COL4A1: variants seen among roughly 807,000 people sequenced by gnomAD.
COL4A1 encodes collagen type IV alpha 1 chain, also known as collagen alpha-1(IV) chain.
In COL4A1, 40 loss-of-function variants were observed where a neutral mutation model predicts 216.6. The ratio of observed to expected loss-of-function variants is 0.18; its 90% CI spans 0.14 to 0.24. COL4A1 has a LOEUF of 0.24. Ranked by LOEUF, COL4A1 falls within the 10% of genes least tolerant of loss-of-function variation. The pLI is 1.00. For synonymous variants in COL4A1, 839 were observed against 810.7 expected (o/e 1.03, Z -0.59); for missense variants, 1,628 against 2,196.8 (o/e 0.74, Z 5.18).
At chr13:110,228,456 C>A (rs1337367282) in intron 2 of COL4A1, among the ~76,000 whole-genome samples, 1 of 152,222 alleles carries the variant, frequency 6.6e-6, no homozygotes, top group East Asian at 1.9e-4. Context: ...GGCTCCTGCG[C>A]CCCCTCCAAG....
chr13:110,213,750 A>C lies in COL4A1; in HGVS notation c.279+32T>G, dbSNP rs778448253. 8 of 1,611,376 alleles carry C rather than the reference A, an allele frequency of 5.0e-6. No homozygotes were observed. The African/African-American group carries it at 8.0e-5, about 16-fold the overall frequency. On this transcript the variant is annotated intron_variant, in intron 4 of 51. Transcript: ENST00000375820. ...GGAAGCGGGCCTGTCCCACGCATGGAATCATCGATTGTGAGTAGCAACTGT... is the reference window on the plus strand; with the variant it reads ...GGAAGCGGGCCTGTCCCACGCATGGCATCATCGATTGTGAGTAGCAACTGT...
In COL4A1 at chr13:110,205,488, A is replaced by G; in HGVS notation, c.903+6T>C. Reference sequence around the variant, plus strand: ...CTGCTTGTAAAAACCACAGAGAAACACTTACGGGACTCCCTTTTTCCCCTT... The same window carrying G: ...CTGCTTGTAAAAACCACAGAGAAACGCTTACGGGACTCCCTTTTTCCCCTT... On this transcript the variant is annotated splice_donor_region_variant and intron_variant, in intron 16 of 51. Transcript: ENST00000375820. 1.2e-6 allele frequency: 2 copies of G among 1,606,824 alleles called. No homozygotes were observed. The highest frequency in any genetic ancestry group is 1.7e-6 in the Non-Finnish European group (2 of 1,179,920).
At chr13:110,284,969 T>G (rs1002255702) in intron 1 of COL4A1, among the ~76,000 whole-genome samples, 1 of 152,258 alleles carries the variant, frequency 6.6e-6, no homozygotes, top group Non-Finnish European at 1.5e-5. Flanking sequence ...CTAAAGGCTA[T>G]GTCAGAATAA....
At position 110,257,465 on chromosome 13, in the gene COL4A1, T is replaced by G. The variant is rs146233670; in HGVS notation, c.85-14731A>C. 1.3e-3 allele frequency among the ~76,000 whole-genome samples: 196 copies of G among 152,360 alleles called. 5 individuals are homozygous for G. The East Asian group carries it at 0.033, about 26-fold the overall frequency. On this transcript the variant is annotated intron_variant, in intron 1 of 51. Coordinates refer to ENST00000375820, the MANE Select transcript of COL4A1 (RefSeq NM_001845.6). ...CCGTAAGTGCTACTTCCAAAGGACC[T>G]ACCTAAAAGCACAAGTACATTTGTG...
Position 110,179,408 on chromosome 13 carries a change from A to C in COL4A1, c.2207T>G (p.Val736Gly), listed in dbSNP as rs771732189. The C allele has an allele frequency of 6.2e-7, 1 of 1,614,018 alleles. No individual in the cohort carries two copies. The highest frequency in any genetic ancestry group is 8.5e-7 in the Non-Finnish European group (1 of 1,180,028). ...GVQGQKGEPGVGLPGLKGLPG... is the reference protein window; with the variant it reads ...GVQGQKGEPGGGLPGLKGLPG... Reference sequence around the variant, plus strand: ...CAAACCTTTGAGTCCCGGTAGACCAACTCCAGGCTCTCCCTGAAAATCCCC... The same window carrying C: ...CAAACCTTTGAGTCCCGGTAGACCACCTCCAGGCTCTCCCTGAAAATCCCC... Residue 736 changes from valine to glycine, a missense_variant, in exon 30 of 52, where the codon GTT (valine) becomes GGT (glycine). Physicochemically the swap from Val to Gly is moderately radical, Grantham distance 109. Coordinates refer to ENST00000375820, the MANE Select transcript of COL4A1 (RefSeq NM_001845.6).
chr13:110,152,265 T>A lies in COL4A1; in HGVS notation c.4928+69A>T, dbSNP rs1015587596. On this transcript the variant is annotated intron_variant, in intron 51 of 51. Coordinates refer to ENST00000375820, the MANE Select transcript of COL4A1 (RefSeq NM_001845.6). ...ACTTTGCATTGGAAGGTGTTACGGA[T>A]CGCGGATGATTAAAAAATAAAGTCA... The A allele has an allele frequency of 1.1e-4, 174 of 1,595,198 alleles. 4 individuals are homozygous for A. In the South Asian group the frequency reaches 1.5e-3, roughly 14 times the overall value.
intron 1 of COL4A1, among the ~76,000 whole-genome samples, chr13:110,295,794 T>C (rs928677586): frequency 6.6e-6 from 1 of 152,238 alleles, no homozygotes; most frequent in Non-Finnish European, 1.5e-5. Context: ...AATATTTACA[T>C]GGCTGGAAGC....
chr13:110,184,485 A>AG (rs1433731143), intron 26 of COL4A1, among the ~76,000 whole-genome samples: 51 of 152,310 alleles, frequency 3.3e-4, no homozygotes, highest in African/African-American at 1.2e-3. Flanking sequence ...CCTCTAATGG[A>AG]GTCATAAAAG....
intron 20 of COL4A1, among the ~76,000 whole-genome samples, 168 bp downstream of exon 20, chr13:110,200,686 T>C (rs1879149283): frequency 6.6e-6 from 1 of 152,168 alleles, no homozygotes; most frequent in African/African-American, 2.4e-5. Context: ...GACAAGATAC[T>C]TATCTACAAG....
chr13:110,270,829 C>T (rs1883220359), intron 1 of COL4A1, among the ~76,000 whole-genome samples: 2 of 152,250 alleles, frequency 1.3e-5, no homozygotes, highest in African/African-American at 4.8e-5. Context: ...AATGGGCATG[C>T]CTAGCCCCCC....
At chr13:110,240,485 C>T (rs561308061) in intron 2 of COL4A1, among the ~76,000 whole-genome samples, 1 of 152,262 alleles carries the variant, frequency 6.6e-6, no homozygotes, top group Non-Finnish European at 1.5e-5. Flanking sequence ...ACAACTTCCA[C>T]GTGGCCCCAC....
At position 110,183,233 on chromosome 13, in the gene COL4A1, G is replaced by T. The variant is rs1878256772; in HGVS notation, c.1941C>A (p.Pro647=). ...ACCCCGGCAGTCCTTCTGCTCCAGG[G>T]GGGCCTGGTAAAGGAACAATTTTTC... is the stretch of plus-strand genomic sequence containing the variant. ...EPGKIVPLPG[P]PGAEGLPGSP... The change falls in exon 27 of 52, where the codon CCC becomes CCA. Residue 647 remains proline (P), a synonymous_variant. Coordinates refer to ENST00000375820, the MANE Select transcript of COL4A1 (RefSeq NM_001845.6). 1 of 1,613,852 alleles carries T rather than the reference G, an allele frequency of 6.2e-7. No individual in the cohort carries two copies. The highest frequency in any genetic ancestry group is 8.5e-7 in the Non-Finnish European group (1 of 1,180,014).
chr13:110,186,590 GAC>G (rs753107962), intron 25 of COL4A1, 37 bp from the exon 26 acceptor site: 20 of 1,611,810 alleles, frequency 1.2e-5, no homozygotes, highest in Admixed American at 1.7e-5. Flanking sequence ...CGTTATCAGA[GAC>G]ACACCAACAC....
intron 1 of COL4A1, among the ~76,000 whole-genome samples, chr13:110,279,952 C>T (rs936479073): frequency 6.6e-6 from 1 of 152,196 alleles, no homozygotes. Flanking sequence ...GTTGCACCTG[C>T]TTTAGGTCCT....
chr13:110,225,306 G>A (rs1001759510), intron 2 of COL4A1, among the ~76,000 whole-genome samples: 4 of 152,112 alleles, frequency 2.6e-5, no homozygotes, highest in African/African-American at 4.8e-5. Context: ...CGACTGGGCC[G>A]GGTGCAGTGG....
In COL4A1 at chr13:110,187,126, A is replaced by T; in HGVS notation, c.1728+12T>A. 6.2e-7 allele frequency: 1 copy of T among 1,613,938 alleles called. No homozygotes were observed. The highest frequency in any genetic ancestry group is 8.5e-7 in the Non-Finnish European group (1 of 1,179,858). The stretch of plus-strand genomic sequence containing the variant: ...TGTAAAATGCACATTCAAAGTCTGG[A>T]GATAAACATACCGGCGAGCCCTTGG... On this transcript the variant is annotated intron_variant, in intron 25 of 51. Transcript: ENST00000375820.
Position 110,211,805 on chromosome 13 carries a change from G to A in COL4A1, c.441+64C>T. 4 of 1,563,668 alleles carry A rather than the reference G, an allele frequency of 2.6e-6. No homozygotes were observed. The highest frequency in any genetic ancestry group is 1.4e-5 in the African/African-American group (1 of 73,778). On this transcript the variant is annotated intron_variant, in intron 7 of 51. Coordinates refer to ENST00000375820, the MANE Select transcript of COL4A1 (RefSeq NM_001845.6). This position sits in a 1 kb window ranked among gnomAD's most constrained non-coding sequence, Gnocchi z 4.3. Reference sequence around the variant, plus strand: ...AGCAAAGAAAGAAAGAAAAGGAAATGGAATGAAAAGAGAGAAGTCATAACT... The same window carrying A: ...AGCAAAGAAAGAAAGAAAAGGAAATAGAATGAAAAGAGAGAAGTCATAACT...
intron 2 of COL4A1, among the ~76,000 whole-genome samples, chr13:110,241,932 G>T (rs1263642629): frequency 6.6e-6 from 1 of 152,196 alleles, no homozygotes; most frequent in Non-Finnish European, 1.5e-5. Context: ...GTCCCAACCT[G>T]CTGTGCGCAC....
Position 110,149,086 on chromosome 13 carries a change from A to G in COL4A1, c.*1277T>C, listed in dbSNP as rs1876386643. The G allele has an allele frequency of 6.5e-6, 1 of 154,690 alleles. No individual in the cohort carries two copies. Among genetic ancestry groups the G allele is most frequent in the Admixed American group, 6.5e-5 (1 of 15,300 alleles). 9.6% of individuals were successfully genotyped at this position (154,690 alleles called of 1,614,324 possible). A position where few individuals can be genotyped will look rare whatever the true frequency, so the allele number is the denominator to read the frequency against. The stretch of plus-strand genomic sequence containing the variant: ...TTTTTATACAAATAGTTTTATTACA[A>G]ATTTGAATTCTTAAGAAATACACAT... On this transcript the variant is annotated 3_prime_UTR_variant, in exon 52 of 52. Transcript: ENST00000375820.
Sources: allele counts gnomAD v4.1 joint callset (sites outside exome capture counted in the v4.1 genomes callset), GRCh38; gene constraint gnomAD v4.1.1; non-coding constraint Gnocchi (gnomAD v3.1); transcripts MANE v1.5; gene names NCBI Gene and HGNC (gene_info 2026-07-23, HGNC 2026-07-21).